Variants in COL23A1 observed in about 807,000 individuals in gnomAD.
COL23A1 encodes the protein collagen type XXIII alpha 1 chain, also known as collagen alpha-1(XXIII) chain.
Under a neutral mutation model 99.3 loss-of-function variants are expected in COL23A1, and 97 were observed. The ratio of observed to expected loss-of-function variants is 0.98; its 90% confidence interval spans 0.83 to 1.16. The LOEUF is 1.16. Among genes scored for constraint, COL23A1 ranks in the 50% most tolerant of loss-of-function variants. The pLI, the probability that COL23A1 is intolerant of heterozygous loss-of-function variation, is 0.00. For missense variants in COL23A1, 762 were observed against 757.4 expected, an observed-to-expected ratio of 1.01 and a Z score of -0.07; for synonymous variants, 320 against 308.2, an observed-to-expected ratio of 1.04 and a Z score of -0.40.
chr5:178,382,020 C>T (rs1481927639), intron 2 of COL23A1, among the ~76,000 whole-genome samples: 3 of 151,962 alleles, frequency 2.0e-5, no homozygotes, highest in East Asian at 1.9e-4. Flanking sequence ...GTCTTGCCCT[C>T]GAGTCTCCAT....
rs149477687 is a variant in COL23A1 at position 178,314,081 on chromosome 5, C to A, written c.362-7162G>T. Among the ~76,000 whole-genome samples, 1,062 of 152,132 alleles carry A rather than the reference C, an allele frequency of 7.0e-3. 18 individuals are homozygous for A. The highest frequency in any genetic ancestry group is 0.06 in the South Asian group (286 of 4,802). On this transcript the variant is annotated intron_variant, in intron 2 of 28. Coordinates refer to ENST00000390654, the MANE Select transcript of COL23A1 (RefSeq NM_173465.4). ...GTGTCTCTAAGGTGGGCCTGGGGACCCTACTGCTCCTGGAGGGGACACTGA... is the reference window on the plus strand; with the variant it reads ...GTGTCTCTAAGGTGGGCCTGGGGACACTACTGCTCCTGGAGGGGACACTGA...
Position 178,270,359 on chromosome 5 carries a change from G to A in COL23A1, c.446C>T (p.Pro149Leu). The stretch of plus-strand genomic sequence containing the variant: ...TACGGGCTTGCCATCCAAACCCAGG[G>A]GTCCCTGGAAAACGAGAGAGAGAGA... Reference protein sequence around the residue: ...GQSGRDGYPGPLGLDGKPGLP... With the variant: ...GQSGRDGYPGLLGLDGKPGLP... Residue 149 changes from proline to leucine, a missense_variant, in exon 6 of 29, where the codon CCC (proline) becomes CTC (leucine). Pro to Leu is a moderately conservative substitution (Grantham distance 98, BLOSUM62 -3). Coordinates refer to ENST00000390654, the MANE Select transcript of COL23A1 (RefSeq NM_173465.4). 1.9e-6 allele frequency: 3 copies of A among 1,613,900 alleles called. No individual in the cohort carries two copies. Among genetic ancestry groups the A allele is most frequent in the Non-Finnish European group, 2.5e-6 (3 of 1,179,970 alleles).
At chr5:178,463,890 C>T (rs1018521097) in intron 2 of COL23A1, among the ~76,000 whole-genome samples, 10 of 152,162 alleles carry the variant, frequency 6.6e-5, no homozygotes, top group Non-Finnish European at 7.3e-5. Context: ...TGCTGCTCTT[C>T]AGAAACCAGC....
At chr5:178,424,371 A>C (rs1488276556) in intron 2 of COL23A1, among the ~76,000 whole-genome samples, 1 of 152,244 alleles carries the variant, frequency 6.6e-6, no homozygotes, top group Non-Finnish European at 1.5e-5. Context: ...ATTCTAGGGC[A>C]AGCACTGTGC....
chr5:178,442,450 G>T (rs1766925955), intron 2 of COL23A1, among the ~76,000 whole-genome samples: 1 of 152,160 alleles, frequency 6.6e-6, no homozygotes, highest in African/African-American at 2.4e-5. Flanking sequence ...TTACCCCTGA[G>T]CATGTCAAAA....
At chr5:178,578,390 A>T (rs665232) in intron 1 of COL23A1, among the ~76,000 whole-genome samples, 24,338 of 152,070 alleles carry the variant, frequency 0.16, 3,044 homozygotes, top group East Asian at 0.39. Context: ...TGACTGCACC[A>T]CAAGCCTGGT....
chr5:178,306,701 C>T lies in COL23A1; in HGVS notation c.406+174G>A, dbSNP rs553055545. 2.2e-3 allele frequency among the ~76,000 whole-genome samples: 336 copies of T among 152,146 alleles called. 4 individuals carry two copies. Among genetic ancestry groups the T allele is most frequent in the South Asian group, 0.022 (105 of 4,826 alleles). ...GCCAAGAAGCCCCGGAAAGGCAGTA[C>T]TGGGTGCTGCGGCCTCAGGAAACGG... On this transcript the variant is annotated intron_variant, in intron 3 of 28. Coordinates refer to ENST00000390654, the MANE Select transcript of COL23A1 (RefSeq NM_173465.4). This position sits in a 1 kb window ranked among gnomAD's most constrained non-coding sequence, Gnocchi z 4.1.
intron 2 of COL23A1, among the ~76,000 whole-genome samples, chr5:178,367,838 C>G (rs531884224): frequency 6.6e-6 from 1 of 152,224 alleles, no homozygotes; most frequent in African/African-American, 2.4e-5. Context: ...CCCAGAGGTA[C>G]GGGCTGCCAC....
intron 2 of COL23A1, among the ~76,000 whole-genome samples, chr5:178,322,902 C>T (rs1377859693): frequency 6.6e-6 from 1 of 152,198 alleles, no homozygotes; most frequent in Non-Finnish European, 1.5e-5. Context: ...GTGGGCTGTG[C>T]CCCCAGTGGG....
In COL23A1 at chr5:178,366,376, G is replaced by A. The variant is rs765222770; in HGVS notation, c.362-59457C>T. The stretch of plus-strand genomic sequence containing the variant: ...TGACTCCAGGTGCCCTGCTGGTGTG[G>A]CTCCACCTGGTCGCTGGGGTCTGTC... On this transcript the variant is annotated intron_variant, in intron 2 of 28. Transcript: ENST00000390654. This position sits in a 1 kb window ranked among gnomAD's most constrained non-coding sequence, Gnocchi z 4.4. Among the ~76,000 whole-genome samples the A allele has an allele frequency of 1.3e-5, 2 of 152,208 alleles. No individual in the cohort carries two copies. Among genetic ancestry groups the A allele is most frequent in the Non-Finnish European group, 2.9e-5 (2 of 68,040 alleles).
Position 178,317,134 on chromosome 5 carries a change from C to G in COL23A1, c.362-10215G>C, listed in dbSNP as rs188288678. On this transcript the variant is annotated intron_variant, in intron 2 of 28. Coordinates refer to ENST00000390654, the MANE Select transcript of COL23A1 (RefSeq NM_173465.4). ...TGTTCTAGTCATGCCATATTAATTACAATCCACATGCTAGAGTTTGTGATA... is the reference window on the plus strand; with the variant it reads ...TGTTCTAGTCATGCCATATTAATTAGAATCCACATGCTAGAGTTTGTGATA... 7.9e-4 allele frequency among the ~76,000 whole-genome samples: 121 copies of G among 152,328 alleles called. 1 individual carries two copies. The highest frequency in any genetic ancestry group is 8.4e-4 in the Non-Finnish European group (57 of 68,026).
chr5:178,245,621 T>C (rs1764650618), intron 25 of COL23A1, among the ~76,000 whole-genome samples: 1 of 151,602 alleles, frequency 6.6e-6, no homozygotes, highest in Admixed American at 6.6e-5. Flanking sequence ...CACCCATCCA[T>C]CCATTTATCC....
intron 2 of COL23A1, among the ~76,000 whole-genome samples, chr5:178,423,573 G>C (rs1396806240): frequency 6.6e-6 from 1 of 152,160 alleles, no homozygotes. Flanking sequence ...CTTCCACCTC[G>C]GATGGGTGGA....
At chr5:178,536,529 A>G (rs1000477305) in intron 2 of COL23A1, among the ~76,000 whole-genome samples, 1 of 152,200 alleles carries the variant, frequency 6.6e-6, no homozygotes, top group Non-Finnish European at 1.5e-5. Flanking sequence ...CATCATCCAG[A>G]CCATGGACAG....
At chr5:178,457,403 C>T (rs901300458) in intron 2 of COL23A1, among the ~76,000 whole-genome samples, 2 of 152,012 alleles carry the variant, frequency 1.3e-5, no homozygotes, top group Non-Finnish European at 1.5e-5. Context: ...TTAGTAGAGA[C>T]GGGGTTTTGC....
chr5:178,475,070 T>A lies in COL23A1; in HGVS notation c.361+85612A>T, dbSNP rs533601208. 2.0e-5 allele frequency among the ~76,000 whole-genome samples: 3 copies of A among 152,288 alleles called. 1 individual carries two copies. In the South Asian group the frequency reaches 6.2e-4, roughly 32 times the overall value. Reference sequence around the variant, plus strand: ...CAGTCACATGGCAGCATTCTTCCTGTGTATCTGTCTCTGCGTCTAAATTTC... The same window carrying A: ...CAGTCACATGGCAGCATTCTTCCTGAGTATCTGTCTCTGCGTCTAAATTTC... On this transcript the variant is annotated intron_variant, in intron 2 of 28. Transcript: ENST00000390654.
At chr5:178,411,441 A>C (rs995566361) in intron 2 of COL23A1, among the ~76,000 whole-genome samples, 6 of 152,262 alleles carry the variant, frequency 3.9e-5, no homozygotes, top group African/African-American at 1.4e-4. Context: ...ACACACATGG[A>C]ATGAAATTAT....
intron 2 of COL23A1, among the ~76,000 whole-genome samples, chr5:178,513,993 C>T (rs1286960856): frequency 1.3e-5 from 2 of 152,170 alleles, no homozygotes; most frequent in Non-Finnish European, 2.9e-5. Context: ...CACCACCATC[C>T]ATCCATCCAC....
intron 1 of COL23A1, among the ~76,000 whole-genome samples, chr5:178,585,519 C>T (rs1350892019): frequency 6.7e-6 from 1 of 149,300 alleles, no homozygotes; most frequent in Non-Finnish European, 1.5e-5. Context: ...ACTCCACGTC[C>T]CTGGATGACG....
Sources: gnomAD v4.1 joint callset for allele counts (sites outside exome capture counted in the v4.1 genomes callset) on GRCh38, gnomAD v4.1.1 for gene constraint, Gnocchi (gnomAD v3.1) non-coding constraint, MANE v1.5 for transcripts, NCBI Gene and HGNC (gene_info 2026-07-23, HGNC 2026-07-21) for gene names.